The following MFSD2A variants were observed in gnomAD, a reference collection of about 807,000 sequenced individuals.
The protein encoded by MFSD2A is sodium-dependent lysophosphatidylcholine symporter 1.
Under a neutral mutation model 64.7 loss-of-function variants are expected in MFSD2A, and 27 were observed. The ratio of observed to expected loss-of-function variants is 0.42; its 90% CI spans 0.31 to 0.58. The LOEUF (loss-of-function observed/expected upper bound fraction) is 0.58, where lower values mean the gene tolerates loss of function less well. Among genes scored for constraint, MFSD2A ranks in the 20% least tolerant of loss-of-function variants. MFSD2A has a pLI of 0.18. For missense variants in MFSD2A, 474 were observed against 679.5 expected (o/e 0.70, Z 3.36); for synonymous variants, 258 against 273.4 (o/e 0.94, Z 0.55).
At position 39,968,246 on chromosome 1, in the gene MFSD2A, C is replaced by A; in HGVS notation, c.1209-88C>A. 6.5e-7 allele frequency: 1 copy of A among 1,539,530 alleles called. No homozygotes were observed. Among genetic ancestry groups the A allele is most frequent in the Non-Finnish European group, 8.9e-7 (1 of 1,119,270 alleles). On this transcript the variant is annotated intron_variant, in intron 11 of 13. Transcript: ENST00000372811. This position sits in a 1 kb window ranked among gnomAD's most constrained non-coding sequence, Gnocchi z 4.4. ...CTCACTGAGCTGTGTACCCATGGTA[C>A]TGCAAGCTTCCAGAGGGCCACCTCT...
rs78684902 is a variant in MFSD2A, at chr1:39,958,151, G to C, written c.229-550G>C. 2.7e-4 allele frequency among the ~76,000 whole-genome samples: 40 copies of C among 150,516 alleles called. No homozygotes were observed. In the East Asian group the frequency reaches 7.0e-3, roughly 26 times the overall value. ...GCTTTGATGGATAAGGAGGAGTCTG[G>C]AGAGTCTGTATTTAGGGCCTGGGGG... On this transcript the variant is annotated intron_variant, in intron 2 of 13. Coordinates refer to ENST00000372811, the MANE Select transcript of MFSD2A (RefSeq NM_032793.5). The surrounding 1 kb of genome is among the most constrained non-coding windows in gnomAD (Gnocchi z 4.7).
Position 39,955,977 on chromosome 1 carries a change from G to A in MFSD2A, c.93+592G>A, listed in dbSNP as rs1644919817. 6.6e-6 allele frequency among the ~76,000 whole-genome samples: 1 copy of A among 152,186 alleles called. No individual in the cohort carries two copies. Among genetic ancestry groups the A allele is most frequent in the Non-Finnish European group, 1.5e-5 (1 of 68,028 alleles). On this transcript the variant is annotated intron_variant, in intron 1 of 13. Transcript: ENST00000372811. The surrounding 1 kb of genome is among the most constrained non-coding windows in gnomAD (Gnocchi z 5.9). ...TTATTGAAGGACCAAATAAAATGAG[G>A]CGGCCCCCTAGGAAAGGATCTCAGG...
chr1:39,962,814 G>T (rs1645073953), intron 3 of MFSD2A: 1 of 1,279,696 alleles, frequency 7.8e-7, no homozygotes, highest in African/African-American at 1.4e-5. Context: ...GCCCATTAAG[G>T]GATCTGAGAT....
rs1028063153 is a variant in MFSD2A at position 39,965,105 on chromosome 1, G to A, written c.354-106G>A. On this transcript the variant is annotated intron_variant, in intron 3 of 13. Transcript: ENST00000372811. The surrounding 1 kb of genome is among the most constrained non-coding windows in gnomAD (Gnocchi z 5.5). ...CAGGAGTATGGGGAAGGAAGGAAGA[G>A]CTTAGCTTCCTTCCCTGTGGGGACC... The A allele has an allele frequency of 7.6e-5, 111 of 1,463,794 alleles. No homozygotes were observed. In the Admixed American group the frequency reaches 2.0e-3, roughly 26 times the overall value. 90.7% of individuals were successfully genotyped at this position (1,463,794 alleles called of 1,614,324 possible). A position where few individuals can be genotyped will look rare whatever the true frequency, so the allele number is the denominator to read the frequency against.
rs1176316583 is a variant in MFSD2A at position 39,969,905 on chromosome 1, T to C, written c.*337T>C. On this transcript the variant is annotated 3_prime_UTR_variant, in exon 14 of 14. Coordinates refer to ENST00000372811, the MANE Select transcript of MFSD2A (RefSeq NM_032793.5). The stretch of plus-strand genomic sequence containing the variant: ...GTGTACATAGCAATGTGTGTGTATG[T>C]ATATGTCTGTGAGCTATTAATGTTA... The C allele has an allele frequency of 3.2e-6, 1 of 316,178 alleles. No homozygotes were observed. 19.6% of individuals were successfully genotyped at this position (316,178 alleles called of 1,614,324 possible).
chr1:39,965,225 C>G lies in MFSD2A; in HGVS notation c.368C>G (p.Thr123Arg). The change falls in exon 4 of 14, where the codon ACG (threonine) becomes AGG (arginine). Residue 123 changes from threonine to arginine, a missense_variant. Coordinates refer to ENST00000372811, the MANE Select transcript of MFSD2A (RefSeq NM_032793.5). The surrounding 1 kb of genome is among the most constrained non-coding windows in gnomAD (Gnocchi z 5.5). ...CTCTTCCTCAGGATCATCTTCTCCACGCCCCTGGCCGTCATTGCCTACTTC... is the reference window on the plus strand; with the variant it reads ...CTCTTCCTCAGGATCATCTTCTCCAGGCCCCTGGCCGTCATTGCCTACTTC... ...GRLMPWIIFS[T>R]PLAVIAYFLI... 1 of 1,614,148 alleles carries G rather than the reference C, an allele frequency of 6.2e-7. No homozygotes were observed. Among genetic ancestry groups the G allele is most frequent in the Non-Finnish European group, 8.5e-7 (1 of 1,180,020 alleles).
intron 2 of MFSD2A, 34 bp downstream of exon 2, chr1:39,957,255 C>T: frequency 6.6e-7 from 1 of 1,514,260 alleles, no homozygotes; most frequent in Non-Finnish European, 8.8e-7. Flanking sequence ...GCTCCTTCAG[C>T]ATCCTGAGGT....
Position 39,968,498 on chromosome 1 carries a change from G to T in MFSD2A, c.1352+21G>T. 1 of 1,613,884 alleles carries T rather than the reference G, an allele frequency of 6.2e-7. No individual in the cohort carries two copies. The highest frequency in any genetic ancestry group is 8.5e-7 in the Non-Finnish European group (1 of 1,179,886). On this transcript the variant is annotated intron_variant, in intron 12 of 13. Coordinates refer to ENST00000372811, the MANE Select transcript of MFSD2A (RefSeq NM_032793.5). This position sits in a 1 kb window ranked among gnomAD's most constrained non-coding sequence, Gnocchi z 4.4. ...CTGGAGTGAGTGGGGTGGGGACCTG[G>T]GGCAGGACTGGGCAGGGCCAGGCCC...
In MFSD2A at chr1:39,958,535, G is replaced by A; in HGVS notation, c.229-166G>A. On this transcript the variant is annotated intron_variant, in intron 2 of 13. Transcript: ENST00000372811. This position sits in a 1 kb window ranked among gnomAD's most constrained non-coding sequence, Gnocchi z 4.7. ...CTACTGTTATTGGAGAAATGCTATT[G>A]TCATTATTAACAAGGCAAGTGAAGA... 4.8e-6 allele frequency: 5 copies of A among 1,032,502 alleles called. No homozygotes were observed. Among genetic ancestry groups the A allele is most frequent in the Non-Finnish European group, 5.9e-6 (4 of 681,314 alleles). The allele number at this position is 1,032,502 out of a possible 1,614,324, so 64.0% of individuals were successfully genotyped here.
rs772223596 is a variant in MFSD2A at position 39,965,372 on chromosome 1, C to T, written c.477+38C>T. On this transcript the variant is annotated intron_variant, in intron 4 of 13. Transcript: ENST00000372811. The surrounding 1 kb of genome is among the most constrained non-coding windows in gnomAD (Gnocchi z 5.5). The stretch of plus-strand genomic sequence containing the variant: ...ACCTCCCTTGGGTGTCTCTAGGGGC[C>T]GGGAGGAGGGCGGTCCTTGGGGCCC... The T allele has an allele frequency of 1.2e-5, 20 of 1,613,502 alleles. No homozygotes were observed. The highest frequency in any genetic ancestry group is 5.0e-5 in the Admixed American group (3 of 59,974).
At chr1:39,966,556 A>G (rs369971418) in intron 6 of MFSD2A, 45 bp from the exon 7 acceptor site, 9 of 1,525,568 alleles carry the variant, frequency 5.9e-6, no homozygotes, top group Non-Finnish European at 8.1e-6. Context: ...TGCTGGGATG[A>G]GCTCAAACTG....
At position 39,967,913 on chromosome 1, in the gene MFSD2A, C is replaced by T. The variant is rs571640983; in HGVS notation, c.1205C>T (p.Pro402Leu). Residue 402 changes from proline (P) to leucine (L), a missense_variant, in exon 11 of 14, where the codon CCC (proline) becomes CTC (leucine). By Grantham distance (98) the Pro-to-Leu change is moderately conservative (BLOSUM62 -3). Transcript: ENST00000372811. ...GISVAAAFLL[P>L]WSMLPDVIDD... ...AGTGTGGCAGCTGCCTTCTTACTAC[C>T]CTGGTAGGTATATACAGGCCCCCCT... 1.2e-6 allele frequency: 2 copies of T among 1,603,982 alleles called. No individual in the cohort carries two copies. Among genetic ancestry groups the T allele is most frequent in the Non-Finnish European group, 1.7e-6 (2 of 1,172,074 alleles).
At position 39,968,295 on chromosome 1, in the gene MFSD2A, A is replaced by G; in HGVS notation, c.1209-39A>G. On this transcript the variant is annotated intron_variant, in intron 11 of 13. Coordinates refer to ENST00000372811, the MANE Select transcript of MFSD2A (RefSeq NM_032793.5). This position sits in a 1 kb window ranked among gnomAD's most constrained non-coding sequence, Gnocchi z 4.4. The stretch of plus-strand genomic sequence containing the variant: ...CTTCTCATTAACACAGAGGCCCGTT[A>G]GGTGGGTCAGTCCTCATGGCTGTCA... 2 of 1,613,690 alleles carry G rather than the reference A, an allele frequency of 1.2e-6. No individual in the cohort carries two copies. The highest frequency in any genetic ancestry group is 1.7e-6 in the Non-Finnish European group (2 of 1,179,780).
Position 39,968,779 on chromosome 1 carries a change from G to T in MFSD2A, c.1529+34G>T. 6.2e-7 allele frequency: 1 copy of T among 1,610,802 alleles called. No homozygotes were observed. On this transcript the variant is annotated intron_variant, in intron 13 of 13. Coordinates refer to ENST00000372811, the MANE Select transcript of MFSD2A (RefSeq NM_032793.5). This position sits in a 1 kb window ranked among gnomAD's most constrained non-coding sequence, Gnocchi z 4.4. ...GGAGGGGACAGGATGCTGGAGGAGG[G>T]GACGTCACTGTGTCTAAACCCTCAA... is the stretch of plus-strand genomic sequence containing the variant.
At position 39,965,763 on chromosome 1, in the gene MFSD2A, C is replaced by A; in HGVS notation, c.557-94C>A. ...ACCCCACTACCTCTACCCACCCTGCCTGGAGCTACCGCTGGGCTCCCACCC... is the reference window on the plus strand; with the variant it reads ...ACCCCACTACCTCTACCCACCCTGCATGGAGCTACCGCTGGGCTCCCACCC... On this transcript the variant is annotated intron_variant, in intron 5 of 13. Transcript: ENST00000372811. The surrounding 1 kb of genome is among the most constrained non-coding windows in gnomAD (Gnocchi z 5.5). 6.6e-7 allele frequency: 1 copy of A among 1,522,054 alleles called. No individual in the cohort carries two copies. The highest frequency in any genetic ancestry group is 9.0e-7 in the Non-Finnish European group (1 of 1,112,628). 94.3% of individuals were successfully genotyped at this position (1,522,054 alleles called of 1,614,324 possible).
chr1:39,961,247 G>A (rs2124764544), intron 3 of MFSD2A, among the ~76,000 whole-genome samples: 1 of 146,558 alleles, frequency 6.8e-6, no homozygotes, highest in South Asian at 2.1e-4. Flanking sequence ...CTCTCCTCCT[G>A]GGCCTCAGGG....
intron 3 of MFSD2A, chr1:39,962,806 C>CT: frequency 8.3e-7 from 1 of 1,207,232 alleles, no homozygotes; most frequent in Non-Finnish European, 1.2e-6. Flanking sequence ...TTCTCTCTGC[C>CT]CATTAAGGGA....
chr1:39,967,877 C>T lies in MFSD2A; in HGVS notation c.1169C>T (p.Ala390Val). The T allele has an allele frequency of 6.2e-7, 1 of 1,613,764 alleles. No homozygotes were observed. Residue 390 changes from alanine to valine, a missense_variant, in exon 11 of 14, where the codon GCA (alanine) becomes GTA (valine). Physicochemically the swap from Ala to Val is moderately conservative, Grantham distance 64. Transcript: ENST00000372811. The part of the protein sequence containing the change: ...NLIITYAVAV[A>V]AGISVAAAFL... ...ATCATTACATATGCGGTAGCTGTGG[C>T]AGCTGGCATCAGTGTGGCAGCTGCC...
In MFSD2A at chr1:39,955,543, G is replaced by A; in HGVS notation, c.93+158G>A. The stretch of plus-strand genomic sequence containing the variant: ...AGGACCTGGGGGTGCCCTGGGACAG[G>A]GGGTGACGGAGAAAAGCTGTGGGCG... On this transcript the variant is annotated intron_variant, in intron 1 of 13. Transcript: ENST00000372811. The surrounding 1 kb of genome is among the most constrained non-coding windows in gnomAD (Gnocchi z 5.9). 1 of 819,482 alleles carries A rather than the reference G, an allele frequency of 1.2e-6. No homozygotes were observed. The highest frequency in any genetic ancestry group is 2.0e-6 in the Non-Finnish European group (1 of 495,578). The allele number at this position is 819,482 out of a possible 1,614,324, so 50.8% of individuals were successfully genotyped here.
Sources: allele counts gnomAD v4.1 joint callset (sites outside exome capture counted in the v4.1 genomes callset), GRCh38; gene constraint gnomAD v4.1.1; non-coding constraint Gnocchi (gnomAD v3.1); transcripts MANE v1.5; gene names NCBI Gene and HGNC (gene_info 2026-07-23, HGNC 2026-07-21).